STAT5B: variants seen among roughly 807,000 people sequenced by gnomAD.
STAT5B encodes the protein signal transducer and activator of transcription 5B, also known as transcription factor STAT5B.
In STAT5B, 21 loss-of-function variants were observed where a neutral mutation model predicts 107.8. The observed-to-expected ratio is 0.19, with a 90% CI of 0.14 to 0.28. STAT5B has a LOEUF of 0.28. Ranked by LOEUF, STAT5B falls within the 10% of genes least tolerant of loss-of-function variation. STAT5B has a pLI of 1.00. For synonymous variants in STAT5B, 325 were observed against 401.7 expected (o/e 0.81, Z 2.28); for missense variants, 565 against 1,008.2 (o/e 0.56, Z 5.95).
chr17:42,211,859 G>T, intron 13 of STAT5B, 125 bp downstream of exon 13: 1 of 1,424,600 alleles, frequency 7.0e-7, no homozygotes, highest in Non-Finnish European at 9.7e-7. Context: ...CTAGTCAGAA[G>T]CTTCTATTAC....
rs146375852 is a variant in STAT5B at position 42,220,397 on chromosome 17, A to G, written c.551-555T>C. On this transcript the variant is annotated intron_variant, in intron 5 of 18. Transcript: ENST00000293328. ...GTTCGTGCTTCTTGGTTAACGGGGA[A>G]CAGGACAGAGAGAAGAGGTGACAGA... 5.4e-3 allele frequency among the ~76,000 whole-genome samples: 821 copies of G among 152,242 alleles called. 9 individuals are homozygous for G. The highest frequency in any genetic ancestry group is 0.018 in the African/African-American group (729 of 41,556).
At chr17:42,231,883 AC>A (rs1461041883) in intron 2 of STAT5B, 116 bp downstream of exon 2, 1 of 1,483,822 alleles carries the variant, frequency 6.7e-7, no homozygotes, top group Non-Finnish European at 9.2e-7. Flanking sequence ...TTTATGGATC[AC>A]ATTTAAAAAT....
intron 8 of STAT5B, 97 bp downstream of exon 8, chr17:42,218,626 G>A (rs1490690334): frequency 2.0e-5 from 32 of 1,599,630 alleles, no homozygotes; most frequent in Non-Finnish European, 2.7e-5. Context: ...ATGAGAGGCA[G>A]GAAGTGGATC....
intron 1 of STAT5B, among the ~76,000 whole-genome samples, chr17:42,249,401 T>G (rs979512486): frequency 1.3e-5 from 2 of 150,886 alleles, no homozygotes; most frequent in Admixed American, 1.3e-4. Flanking sequence ...TCAAAAAAAA[T>G]AAAAAGAAAA....
At position 42,265,389 on chromosome 17, in the gene STAT5B, TGAGACG is replaced by T. The variant is rs1411192785; in HGVS notation, c.-11+10853_-11+10858del. ...GGTATGTACTCTTCTTTTTTTTTTT[TGAGACG>T]AAGTCTCGCTCTGTCACCAGGCTGG... On this transcript the variant is annotated intron_variant, in intron 1 of 18. Transcript: ENST00000293328. 5.2e-3 allele frequency among the ~76,000 whole-genome samples: 777 copies of T among 149,258 alleles called. 18 individuals are homozygous for T. The highest frequency in any genetic ancestry group is 0.019 in the African/African-American group (744 of 39,662).
upstream of STAT5B, among the ~76,000 whole-genome samples, chr17:42,277,901 G>A (rs1302295544): frequency 6.6e-6 from 1 of 151,524 alleles, no homozygotes; most frequent in African/African-American, 2.4e-5. Flanking sequence ...GATTACAGGC[G>A]CACACCACCA....
chr17:42,287,337 C>CCCGG, the STAT5B span, among the ~76,000 whole-genome samples: 1 of 151,140 alleles, frequency 6.6e-6, no homozygotes, highest in African/African-American at 2.5e-5. Flanking sequence ...TGCACCCCCC[C>CCCGG]CAACAGAACA....
At chr17:42,241,889 T>C (rs374907792) in intron 1 of STAT5B, among the ~76,000 whole-genome samples, 1,694 of 150,830 alleles carry the variant, frequency 0.011, 22 homozygotes, top group South Asian at 0.023. Context: ...TGCTCTTTAA[T>C]TTTTTTTTTC....
chr17:42,218,154 C>A lies in STAT5B; in HGVS notation c.1166G>T (p.Arg389Leu). Residue 389 changes from arginine (R) to leucine (L), a missense_variant, in exon 9 of 19, where the codon CGC becomes CTC. This residue lies in a region of STAT5B where 70 missense variants were observed against 73.2 expected (regional missense o/e 0.96). Coordinates refer to ENST00000293328, the MANE Select transcript of STAT5B (RefSeq NM_012448.4). ...AKSLLKNENT[R>L]NDYSGEILNN... ...TGAGAGGAAGCTGCACAATTACTTG[C>A]GGGTGTTCTCGTTCTTGAGCAGAGA... is the stretch of plus-strand genomic sequence containing the variant. 6.2e-7 allele frequency: 1 copy of A among 1,613,782 alleles called. No individual in the cohort carries two copies. Among genetic ancestry groups the A allele is most frequent in the South Asian group, 1.1e-5 (1 of 91,036 alleles).
chr17:42,210,675 A>G, intron 13 of STAT5B, 178 bp from the exon 14 acceptor site: 1 of 661,100 alleles, frequency 1.5e-6, no homozygotes, highest in South Asian at 1.6e-5. Flanking sequence ...AAGAGGGAAG[A>G]AGGGGAAAAT....
In STAT5B at chr17:42,201,546, AC is replaced by A. The variant is rs1485592718; in HGVS notation, c.*191del. 1.1e-5 allele frequency: 7 copies of A among 664,824 alleles called. No homozygotes were observed. The African/African-American group carries it at 1.1e-4, about 10-fold the overall frequency. The allele number at this position is 664,824 out of a possible 1,614,324, so 41.2% of individuals were successfully genotyped here. A position where few individuals can be genotyped will look rare whatever the true frequency, so the allele number is the denominator to read the frequency against. On this transcript the variant is annotated 3_prime_UTR_variant, in exon 19 of 19. Transcript: ENST00000293328. ...CACGCACACACACACACACACACACACACACACAAACACATACTCGCACTCC... is the reference window on the plus strand; with the variant it reads ...CACGCACACACACACACACACACACAACACACAAACACATACTCGCACTCC...
chr17:42,217,055 CAAA>C, intron 11 of STAT5B, 102 bp downstream of exon 11: 3 of 1,536,192 alleles, frequency 2.0e-6, no homozygotes, highest in South Asian at 2.4e-5. Context: ...TACCAACAGT[CAAA>C]AAGAAGAAGA....
At chr17:42,254,853 G>A (rs939722996) in intron 1 of STAT5B, among the ~76,000 whole-genome samples, 4 of 152,178 alleles carry the variant, frequency 2.6e-5, no homozygotes, top group Non-Finnish European at 4.4e-5. Context: ...AACACTTTGG[G>A]AGGCCTAGGC....
intron 1 of STAT5B, among the ~76,000 whole-genome samples, chr17:42,242,152 G>A (rs74369656): frequency 0.018 from 2,781 of 152,128 alleles, 84 homozygotes; most frequent in African/African-American, 0.064. Context: ...AAAGGGTAAG[G>A]GAGGGAATAA....
intron 12 of STAT5B, among the ~76,000 whole-genome samples, chr17:42,213,394 A>G (rs577518191): frequency 6.6e-6 from 1 of 152,106 alleles, no homozygotes; most frequent in African/African-American, 2.4e-5. Flanking sequence ...TTTTGTAGAG[A>G]CAGGGTTTTG....
chr17:42,256,446 T>G (rs1598332918), intron 1 of STAT5B, among the ~76,000 whole-genome samples: 1 of 152,218 alleles, frequency 6.6e-6, no homozygotes, highest in African/African-American at 2.4e-5. Flanking sequence ...TGAAGTTCTC[T>G]GGATACACCT....
chr17:42,263,760 C>A (rs565438346), intron 1 of STAT5B, among the ~76,000 whole-genome samples: 1 of 151,970 alleles, frequency 6.6e-6, no homozygotes, highest in African/African-American at 2.4e-5. Context: ...CTCCTGGACT[C>A]AAGTGATCCT....
In STAT5B at chr17:42,201,115, G is replaced by A. The variant is rs1598291059; in HGVS notation, c.*623C>T. On this transcript the variant is annotated 3_prime_UTR_variant, in exon 19 of 19. Transcript: ENST00000293328. ...GTGAAAAGCCACCGCCCATCCGAAA[G>A]CTTGTGACTTCCCTTGCCCCAACAA... 5 of 405,306 alleles carry A rather than the reference G, an allele frequency of 1.2e-5. No homozygotes were observed. The highest frequency in any genetic ancestry group is 1.1e-4 in the East Asian group (3 of 28,446). 25.1% of individuals were successfully genotyped at this position (405,306 alleles called of 1,614,324 possible).
chr17:42,246,336 T>C (rs1197542289), intron 1 of STAT5B, among the ~76,000 whole-genome samples: 1 of 152,122 alleles, frequency 6.6e-6, no homozygotes, highest in Non-Finnish European at 1.5e-5. Flanking sequence ...AATTCAGAAT[T>C]ATAAAAAAAT....
Sources: gnomAD v4.1 joint callset for allele counts (sites outside exome capture counted in the v4.1 genomes callset) on GRCh38, gnomAD v4.1.1 for gene constraint, gnomAD v4.1.1 regional missense constraint, MANE v1.5 for transcripts, NCBI Gene and HGNC (gene_info 2026-07-23, HGNC 2026-07-21) for gene names.